SEMA6D: variants seen among roughly 807,000 people sequenced by gnomAD.
The protein encoded by SEMA6D is semaphorin 6D, also known as semaphorin-6D.
A neutral mutation model predicts 106.6 loss-of-function variants in SEMA6D; 35 were observed. The ratio of observed to expected loss-of-function variants is 0.33; its 90% CI spans 0.25 to 0.44. The LOEUF (loss-of-function observed/expected upper bound fraction) is 0.44. SEMA6D is among the 20% of genes least tolerant of loss of function. The pLI, the probability that SEMA6D is intolerant of heterozygous loss-of-function variation, is 1.00. For synonymous variants in SEMA6D, 499 were observed against 487.7 expected (o/e 1.02, Z -0.31); for missense variants, 1,185 against 1,345.9 (o/e 0.88, Z 1.87).
intron 1 of SEMA6D, among the ~76,000 whole-genome samples, chr15:47,365,306 G>A (rs562932170): frequency 6.6e-6 from 1 of 152,204 alleles, no homozygotes; most frequent in African/African-American, 2.4e-5. Context: ...CTCTTCCTGG[G>A]GTTTGAAGTT....
intron 3 of SEMA6D, among the ~76,000 whole-genome samples, chr15:47,541,563 G>A (rs919122359): frequency 3.9e-5 from 6 of 152,158 alleles, no homozygotes; most frequent in Admixed American, 6.5e-5. Flanking sequence ...AATGGTAGAG[G>A]GGAAAAAAAG....
intron 4 of SEMA6D, among the ~76,000 whole-genome samples, chr15:47,625,465 G>A (rs556548121): frequency 3.9e-5 from 6 of 152,210 alleles, no homozygotes; most frequent in African/African-American, 7.2e-5. Context: ...GACTGGGTGC[G>A]ATGGCACATG....
chr15:47,768,447 C>T, intron 17 of SEMA6D, 134 bp from the exon 18 acceptor site: 1 of 647,498 alleles, frequency 1.5e-6, no homozygotes, highest in Non-Finnish European at 2.5e-6. Context: ...GTAGCTTCCT[C>T]AGGCGTGTTT....
chr15:47,188,511 C>T (rs1893726202), intron 1 of SEMA6D, among the ~76,000 whole-genome samples: 1 of 151,996 alleles, frequency 6.6e-6, no homozygotes. Flanking sequence ...TATTTTTAAT[C>T]TCAGGGGTAA....
chr15:47,750,776 C>T (rs2081386312), intron 1 of SEMA6D, among the ~76,000 whole-genome samples: 1 of 152,220 alleles, frequency 6.6e-6, no homozygotes, highest in Non-Finnish European at 1.5e-5. Context: ...GGAAGGGTCT[C>T]AGAGTTGGGG....
intron 1 of SEMA6D, among the ~76,000 whole-genome samples, chr15:47,370,721 G>A: frequency 6.7e-6 from 1 of 149,252 alleles, no homozygotes; most frequent in South Asian, 2.2e-4. Flanking sequence ...TTTGATGGGT[G>A]TGGCAGCACG....
In SEMA6D at chr15:47,711,646, C is replaced by T. The variant is rs548926304; in HGVS notation, c.-54-48099C>T. Among the ~76,000 whole-genome samples the T allele has an allele frequency of 2.9e-3, 443 of 152,272 alleles. 1 individual carries two copies. The highest frequency in any genetic ancestry group is 0.01 in the African/African-American group (436 of 41,534). ...TCCCAGAACATCAGCTGCTTCCTGT[C>T]CCCCAAACATACACCACCCTTCACT... On this transcript the variant is annotated intron_variant, in intron 4 of 19. Coordinates refer to the SEMA6D transcript ENST00000558014.
chr15:47,257,250 G>A (rs935090603), intron 1 of SEMA6D, among the ~76,000 whole-genome samples: 4 of 151,974 alleles, frequency 2.6e-5, no homozygotes, highest in East Asian at 1.9e-4. Flanking sequence ...GTAGAGACAG[G>A]GTTTCACCAT....
chr15:47,649,949 A>G (rs926573544), intron 4 of SEMA6D, among the ~76,000 whole-genome samples: 2 of 152,194 alleles, frequency 1.3e-5, no homozygotes. Context: ...TTTCTTGTGA[A>G]CATAGCTGCT....
chr15:47,317,203 C>T (rs2036717796), intron 1 of SEMA6D, among the ~76,000 whole-genome samples: 1 of 152,084 alleles, frequency 6.6e-6, no homozygotes, highest in African/African-American at 2.4e-5. Flanking sequence ...TGAAGTTGTT[C>T]ATAGTATTCC....
intron 3 of SEMA6D, among the ~76,000 whole-genome samples, chr15:47,553,146 C>A (rs1022109018): frequency 1.3e-5 from 2 of 151,050 alleles, no homozygotes; most frequent in Non-Finnish European, 2.9e-5. Flanking sequence ...TCAGGCAATC[C>A]GCCCATCTTG....
At chr15:47,437,218 T>C (rs1263019410) in intron 2 of SEMA6D, among the ~76,000 whole-genome samples, 5 of 152,028 alleles carry the variant, frequency 3.3e-5, no homozygotes, top group African/African-American at 1.2e-4. Context: ...CTAATCCAAA[T>C]TGTATTATGT....
chr15:47,270,669 C>CTA (rs979155973), intron 1 of SEMA6D, among the ~76,000 whole-genome samples: 2 of 152,262 alleles, frequency 1.3e-5, no homozygotes, highest in Non-Finnish European at 2.9e-5. Context: ...AGCAATTCAT[C>CTA]TATGAATGGA....
chr15:47,679,547 T>C (rs753821411), intron 4 of SEMA6D, among the ~76,000 whole-genome samples: 1 of 152,212 alleles, frequency 6.6e-6, no homozygotes, highest in Non-Finnish European at 1.5e-5. Context: ...GGATCCCTTG[T>C]CCTGCTGATT....
intron 1 of SEMA6D, among the ~76,000 whole-genome samples, chr15:47,387,810 A>G (rs1239398442): frequency 6.6e-6 from 1 of 152,246 alleles, no homozygotes; most frequent in Admixed American, 6.5e-5. Context: ...TCATTGGAGA[A>G]GTCGCTTAAC....
chr15:47,368,483 T>TA (rs1490249411), intron 1 of SEMA6D, among the ~76,000 whole-genome samples: 2 of 151,816 alleles, frequency 1.3e-5, no homozygotes, highest in South Asian at 2.1e-4. Context: ...TTTATTTATT[T>TA]TTTTTGAGAC....
chr15:47,302,066 C>G (rs1173756546), intron 1 of SEMA6D, among the ~76,000 whole-genome samples: 1 of 152,106 alleles, frequency 6.6e-6, no homozygotes, highest in African/African-American at 2.4e-5. Context: ...CATGTTAGCC[C>G]CTACTGCATA....
chr15:47,621,175 A>G (rs2077091118), intron 4 of SEMA6D, among the ~76,000 whole-genome samples: 1 of 152,158 alleles, frequency 6.6e-6, no homozygotes, highest in Non-Finnish European at 1.5e-5. Context: ...ACACATGTGC[A>G]TGCATGCTCA....
intron 1 of SEMA6D, among the ~76,000 whole-genome samples, chr15:47,351,549 A>C (rs896205906): frequency 1.3e-5 from 2 of 152,200 alleles, no homozygotes; most frequent in Non-Finnish European, 2.9e-5. Context: ...TAGAGAGGGC[A>C]TAACAATTAT....
Sources: gnomAD v4.1 joint callset for allele counts (sites outside exome capture counted in the v4.1 genomes callset) on GRCh38, gnomAD v4.1.1 for gene constraint, MANE v1.5 for transcripts, NCBI Gene and HGNC (gene_info 2026-07-23, HGNC 2026-07-21) for gene names.